The following ANK2 variants were observed in gnomAD, a reference collection of about 807,000 sequenced individuals.
ANK2 encodes ankyrin 2.
A neutral mutation model predicts 360.5 loss-of-function variants in ANK2; 83 were observed. That is an observed-to-expected ratio of 0.23 (90% confidence interval 0.19 to 0.28). The LOEUF is 0.28. ANK2 is among the 10% of genes least tolerant of loss of function. The pLI, the probability that ANK2 is intolerant of heterozygous loss-of-function variation, is 1.00. For synonymous variants in ANK2, 1,740 were observed against 1,759.5 expected (o/e 0.99, Z 0.28); for missense variants, 4,201 against 4,795.7 (o/e 0.88, Z 3.66).
In ANK2 at chr4:113,143,351, C is replaced by T. The variant is rs896379043; in HGVS notation, c.85-31065C>T. Among the ~76,000 whole-genome samples the T allele has an allele frequency of 7.3e-5, 3 of 40,952 alleles. No homozygotes were observed. In the South Asian group the frequency reaches 1.9e-3, roughly 26 times the overall value. The allele number at this position is 40,952 out of a possible 152,430, so 26.9% of individuals were successfully genotyped here. On this transcript the variant is annotated intron_variant, in intron 1 of 45. Transcript: ENST00000357077. ...GACAGAAAGATGCCAGGAAACAATT[C>T]GAGCTGTTAAAGCACAGCAAAATTA...
chr4:112,820,102 T>G (rs1293754575), intron 1 of ANK2, among the ~76,000 whole-genome samples: 1 of 152,260 alleles, frequency 6.6e-6, no homozygotes. Flanking sequence ...AGAATTCCTT[T>G]TCTTTAACAC....
At chr4:112,907,226 T>C (rs962691944) in intron 2 of ANK2, among the ~76,000 whole-genome samples, 1 of 152,176 alleles carries the variant, frequency 6.6e-6, no homozygotes, top group African/African-American at 2.4e-5. Context: ...AGACTTCAGT[T>C]TGCTGACTTT....
chr4:113,078,442 G>A lies in ANK2; in HGVS notation c.84+28630G>A, dbSNP rs1440563863. ...GCTCGTCAATAGTAGCCGTGGTGTC[G>A]GGGAAATAAGGTCAAGTGAAGCAGT... On this transcript the variant is annotated intron_variant, in intron 1 of 45. Transcript: ENST00000357077. Among the ~76,000 whole-genome samples the A allele has an allele frequency of 5.0e-4, 76 of 152,094 alleles. 1 individual carries two copies. Among genetic ancestry groups the A allele is most frequent in the Admixed American group, 5.0e-3 (76 of 15,260 alleles).
intron 1 of ANK2, among the ~76,000 whole-genome samples, chr4:113,071,219 AC>A (rs1430247359): frequency 1.2e-4 from 18 of 152,194 alleles, no homozygotes; most frequent in Non-Finnish European, 2.4e-4. Context: ...AGAAGTTTAG[AC>A]CCGATGCCTT....
intron 2 of ANK2, among the ~76,000 whole-genome samples, chr4:112,936,862 C>T (rs1376494472): frequency 6.6e-6 from 1 of 152,122 alleles, no homozygotes; most frequent in Non-Finnish European, 1.5e-5. Context: ...GATCATAGCT[C>T]ATTGCAGCCT....
In ANK2 at chr4:113,277,918, G is replaced by T. The variant is rs1288246947; in HGVS notation, c.1765G>T (p.Ala589Ser). The change falls in exon 16 of 46, where the codon GCA (alanine) becomes TCA (serine). Residue 589 changes from alanine (A) to serine (S), a missense_variant. By Grantham distance (99) the Ala-to-Ser change is moderately conservative. Coordinates refer to ENST00000357077, the MANE Select transcript of ANK2 (RefSeq NM_001148.6). ...ACTTCTCTTGCAACGCCGTGCTGCC[G>T]CAGATTCTGCAGGGAAGGTAAAGAT... ...AKLLLQRRAA[A>S]DSAGKNGLTP... 1 of 1,613,486 alleles carries T rather than the reference G, an allele frequency of 6.2e-7. No homozygotes were observed. The highest frequency in any genetic ancestry group is 8.5e-7 in the Non-Finnish European group (1 of 1,179,520).
At chr4:112,939,064 T>G (rs2093989944) in intron 2 of ANK2, among the ~76,000 whole-genome samples, 1 of 152,240 alleles carries the variant, frequency 6.6e-6, no homozygotes, top group Admixed American at 6.5e-5. Flanking sequence ...TTTTCTTTTT[T>G]GTGCGTTATA....
intron 2 of ANK2, among the ~76,000 whole-genome samples, chr4:112,946,974 A>C (rs966570058): frequency 1.3e-5 from 2 of 152,138 alleles, no homozygotes; most frequent in Non-Finnish European, 2.9e-5. Context: ...CTCAACCCAT[A>C]TTTTCTAGAC....
At chr4:112,900,148 A>AT (rs1322564387) in intron 1 of ANK2, among the ~76,000 whole-genome samples, 1 of 151,896 alleles carries the variant, frequency 6.6e-6, no homozygotes, top group Non-Finnish European at 1.5e-5. Context: ...TCCACCCCAC[A>AT]TTTTTTTGGT....
the ANK2 span, among the ~76,000 whole-genome samples, chr4:112,751,210 T>A: frequency 3.0e-4 from 45 of 152,190 alleles, no homozygotes; most frequent in African/African-American, 1.0e-3. Flanking sequence ...AATGTGGCAG[T>A]GTAAAAGGTG....
At chr4:112,706,327 C>A in the ANK2 span, among the ~76,000 whole-genome samples, 5 of 152,290 alleles carry the variant, frequency 3.3e-5, no homozygotes, top group East Asian at 9.7e-4. Context: ...GGGGCCGACA[C>A]GAGCCAACTT....
rs1237070524 is a variant in ANK2, at chr4:113,353,213, T to G, written c.4595T>G (p.Ile1532Ser). 5.6e-6 allele frequency: 9 copies of G among 1,613,910 alleles called. No individual in the cohort carries two copies. Among genetic ancestry groups the G allele is most frequent in the Non-Finnish European group, 7.6e-6 (9 of 1,179,964 alleles). The change falls in exon 38 of 46, where the codon ATT (isoleucine) becomes AGT (serine). Residue 1532 changes from isoleucine (I) to serine (S), a missense_variant. Around this residue, in one of 4 missense-constraint regions of ANK2, gnomAD observed 1,268 missense variants for 1,650.8 expected, o/e 0.77. Transcript: ENST00000357077. ...TTDVSDKAGSIKVKELVKAAE... is the reference protein window; with the variant it reads ...TTDVSDKAGSSKVKELVKAAE... Reference sequence around the variant, plus strand: ...GATGTGTCTGATAAGGCAGGTTCTATTAAAGTGAAGGAGCTGGTGAAGGCT... The same window carrying G: ...GATGTGTCTGATAAGGCAGGTTCTAGTAAAGTGAAGGAGCTGGTGAAGGCT...
At chr4:113,103,315 A>G (rs2093179773) in intron 1 of ANK2, among the ~76,000 whole-genome samples, 1 of 152,162 alleles carries the variant, frequency 6.6e-6, no homozygotes, top group African/African-American at 2.4e-5. Flanking sequence ...TTAAACATTC[A>G]TATAAGAAAA....
chr4:112,978,486 G>A (rs1057309640), intron 2 of ANK2, among the ~76,000 whole-genome samples: 1 of 152,044 alleles, frequency 6.6e-6, no homozygotes, highest in African/African-American at 2.4e-5. Context: ...CCAGTTTCCC[G>A]CTTTTCTTAG....
chr4:112,786,247 T>TAA, the ANK2 span, among the ~76,000 whole-genome samples: 11 of 127,470 alleles, frequency 8.6e-5, no homozygotes, highest in East Asian at 6.7e-4. Flanking sequence ...AAAAAAAAAG[T>TAA]AAAAAAAAAA....
At chr4:112,710,364 G>T in the ANK2 span, among the ~76,000 whole-genome samples, 5 of 152,140 alleles carry the variant, frequency 3.3e-5, no homozygotes, top group East Asian at 1.9e-4. Context: ...AGTATTTACG[G>T]TAGAGTTGAA....
intron 4 of ANK2, among the ~76,000 whole-genome samples, chr4:113,225,174 G>A (rs754121538): frequency 1.3e-5 from 2 of 152,106 alleles, no homozygotes; most frequent in Non-Finnish European, 2.9e-5. Context: ...ACCTCCTAAT[G>A]TTCTCTCTGA....
chr4:112,875,803 C>T (rs1457411598), intron 1 of ANK2, among the ~76,000 whole-genome samples: 9 of 151,738 alleles, frequency 5.9e-5, no homozygotes, highest in Admixed American at 5.9e-4. Context: ...CAGTGGTGTG[C>T]TCATAGCTCA....
At chr4:113,179,085 C>T (rs186373846) in intron 2 of ANK2, among the ~76,000 whole-genome samples, 4 of 152,154 alleles carry the variant, frequency 2.6e-5, no homozygotes, top group African/African-American at 9.6e-5. Context: ...AACTCAAATA[C>T]AATATAGAAC....
Sources: gnomAD v4.1 joint callset for allele counts (sites outside exome capture counted in the v4.1 genomes callset) on GRCh38, gnomAD v4.1.1 for gene constraint, gnomAD v4.1.1 regional missense constraint, MANE v1.5 for transcripts, NCBI Gene and HGNC (gene_info 2026-07-23, HGNC 2026-07-21) for gene names.